ADAMTSL2: variants seen among roughly 807,000 people sequenced by gnomAD.
ADAMTSL2 encodes ADAMTS-like protein 2.
A neutral mutation model predicts 117.0 loss-of-function variants in ADAMTSL2; 55 were observed. The observed-to-expected ratio is 0.47, with a 90% CI of 0.38 to 0.59. ADAMTSL2 has a LOEUF of 0.59. Among genes scored for constraint, ADAMTSL2 ranks in the 20% least tolerant of loss-of-function variants. The pLI, the probability that ADAMTSL2 is intolerant of heterozygous loss-of-function variation, is 0.00. For missense variants in ADAMTSL2, 1,182 were observed against 1,354.5 expected (o/e 0.87, Z 2.00); for synonymous variants, 572 against 566.4 (o/e 1.01, Z -0.14).
At chr9:133,556,707 G>C (rs1382562631) in intron 11 of ADAMTSL2, among the ~76,000 whole-genome samples, 1 of 152,164 alleles carries the variant, frequency 6.6e-6, no homozygotes, top group Admixed American at 6.5e-5. Flanking sequence ...TCACAGCCAG[G>C]GTTGTCTGGA....
At chr9:133,534,418 TC>T, upstream of ADAMTSL2, 1 of 265,840 alleles carries the variant, frequency 3.8e-6, no homozygotes. Context: ...ACCGCCAGCC[TC>T]CCCGGTAACC....
At chr9:133,543,251 A>G (rs9802679) in intron 7 of ADAMTSL2, among the ~76,000 whole-genome samples, 54,962 of 152,156 alleles carry the variant, frequency 0.36, 10,361 homozygotes, top group East Asian at 0.49. Flanking sequence ...CAAAAACACC[A>G]TATACGGGTG....
chr9:133,534,460 C>A (rs1829999459), upstream of ADAMTSL2: 2 of 348,506 alleles, frequency 5.7e-6, no homozygotes, highest in East Asian at 4.5e-5. Flanking sequence ...TCTGGACACC[C>A]GACATGTGGC....
intron 1 of ADAMTSL2, among the ~76,000 whole-genome samples, 174 bp downstream of exon 1, chr9:133,535,091 C>T (rs1289461219): frequency 1.3e-5 from 2 of 152,174 alleles, no homozygotes; most frequent in African/African-American, 4.8e-5. Context: ...GGCCTCCCAG[C>T]ACCTAGCCTT....
Position 133,574,061 on chromosome 9 carries a change from G to GT in ADAMTSL2, c.2737+75dup, listed in dbSNP as rs1831172471. The GT allele has an allele frequency of 2.0e-6, 3 of 1,536,804 alleles. No individual in the cohort carries two copies. The African/African-American group carries it at 4.1e-5, about 21-fold the overall frequency. ...CGAGGACAGAGTCAGGGCCTGAGGG[G>GT]TGAGCAGACATTGCTCACCTTGATG... On this transcript the variant is annotated intron_variant, in intron 18 of 18. Transcript: ENST00000651351.
chr9:133,553,384 T>A (rs1830530917), intron 9 of ADAMTSL2, among the ~76,000 whole-genome samples: 1 of 152,078 alleles, frequency 6.6e-6, no homozygotes, highest in East Asian at 1.9e-4. Context: ...CACGAGGGTG[T>A]CTTTCTCTGC....
chr9:133,541,950 C>G (rs561764736), intron 7 of ADAMTSL2, among the ~76,000 whole-genome samples: 1 of 152,358 alleles, frequency 6.6e-6, no homozygotes, highest in African/African-American at 2.4e-5. Flanking sequence ...GTTATTGCAA[C>G]CTCCAGACCT....
intron 4 of ADAMTSL2, 95 bp from the exon 5 acceptor site, chr9:133,539,676 T>TGTCCCGGCTGACCCGGCA: frequency 7.8e-7 from 1 of 1,288,346 alleles, no homozygotes; most frequent in Non-Finnish European, 1.1e-6. Flanking sequence ...CTGTCCCGGC[T>TGTCCCGGCTGACCCGGCA]GTCCCGGCTG....
intron 4 of ADAMTSL2, among the ~76,000 whole-genome samples, chr9:133,539,443 G>A (rs1830140863): frequency 6.6e-6 from 1 of 152,226 alleles, no homozygotes; most frequent in Non-Finnish European, 1.5e-5. Flanking sequence ...ACGGGCGAGG[G>A]GAGCACCCTT....
rs1365063881 is a variant in ADAMTSL2, at chr9:133,544,497, C to G, written c.710C>G (p.Ala237Gly). The G allele has an allele frequency of 6.2e-7, 1 of 1,614,052 alleles. No homozygotes were observed. The highest frequency in any genetic ancestry group is 8.5e-7 in the Non-Finnish European group (1 of 1,180,002). Reference sequence around the variant, plus strand: ...TACTCTCTGGTGACCCACATCCCGGCTGGTGCCCGAGACATCCAGATTGTA... The same window carrying G: ...TACTCTCTGGTGACCCACATCCCGGGTGGTGCCCGAGACATCCAGATTGTA... Reference protein sequence around the residue: ...LGYSLVTHIPAGARDIQIVER... With the variant: ...LGYSLVTHIPGGARDIQIVER... The change falls in exon 8 of 19, where the codon GCT (alanine) becomes GGT (glycine). Residue 237 changes from alanine to glycine, a missense_variant. Ala to Gly is a moderately conservative substitution (Grantham distance 60, BLOSUM62 0). Coordinates refer to ENST00000651351, the MANE Select transcript of ADAMTSL2 (RefSeq NM_014694.4).
Position 133,534,973 on chromosome 9 carries a change from C to T in ADAMTSL2, c.-151+56C>T. On this transcript the variant is annotated intron_variant, in intron 1 of 18. Coordinates refer to ENST00000651351, the MANE Select transcript of ADAMTSL2 (RefSeq NM_014694.4). ...TTGCAGCGTCCACCAGGCCAGCCCA[C>T]TGCTCAGAGTGGGGCTGGGGGTAGG... is the stretch of plus-strand genomic sequence containing the variant. 5.9e-6 allele frequency: 8 copies of T among 1,349,686 alleles called. No homozygotes were observed. In the South Asian group the frequency reaches 1.4e-4, roughly 24 times the overall value. 83.6% of individuals were successfully genotyped at this position (1,349,686 alleles called of 1,614,324 possible).
chr9:133,573,906 A>T lies in ADAMTSL2; in HGVS notation c.2656A>T (p.Ile886Phe), dbSNP rs1392456493. ...CGTCAAGTGCTACCAGGGGACCGAC[A>T]TCGTCCGTGGTTGCGATCCGTTGGT... ...RDVKCYQGTD[I>F]VRGCDPLVKP... Residue 886 changes from isoleucine (I) to phenylalanine (F), a missense_variant, in exon 18 of 19, where the codon ATC becomes TTC. Transcript: ENST00000651351. 4.3e-6 allele frequency: 7 copies of T among 1,614,098 alleles called. No individual in the cohort carries two copies. The East Asian group carries it at 1.6e-4, about 36-fold the overall frequency.
chr9:133,546,034 C>T (rs1830339444), intron 8 of ADAMTSL2, among the ~76,000 whole-genome samples: 1 of 152,144 alleles, frequency 6.6e-6, no homozygotes, highest in South Asian at 2.1e-4. Flanking sequence ...AGCCGAACTC[C>T]TCTTCTCCCA....
chr9:133,555,044 C>G (rs1830573912), intron 10 of ADAMTSL2, among the ~76,000 whole-genome samples: 1 of 152,018 alleles, frequency 6.6e-6, no homozygotes, highest in African/African-American at 2.4e-5. Context: ...TCAACGAGCA[C>G]CTGGTCTCAC....
chr9:133,572,435 G>C (rs1831129626), intron 17 of ADAMTSL2, among the ~76,000 whole-genome samples: 1 of 152,194 alleles, frequency 6.6e-6, no homozygotes, highest in African/African-American at 2.4e-5. Context: ...CTTCTGGAAA[G>C]GCTAAGCCCG....
Position 133,555,856 on chromosome 9 carries a change from C to T in ADAMTSL2, c.1575C>T (p.Ser525=). ...LELSSDRVAN[S]SSEAPFPNVS... ...TGAGCAGCGACAGGGTTGCCAACAGCTCCTCCGAGGCCCCATTCCCCAACG... is the reference window on the plus strand; with the variant it reads ...TGAGCAGCGACAGGGTTGCCAACAGTTCCTCCGAGGCCCCATTCCCCAACG... The change falls in exon 11 of 19, where the codon AGC becomes AGT. Residue 525 remains serine (S), a synonymous_variant. Coordinates refer to ENST00000651351, the MANE Select transcript of ADAMTSL2 (RefSeq NM_014694.4). 1 of 1,613,326 alleles carries T rather than the reference C, an allele frequency of 6.2e-7. No individual in the cohort carries two copies. Among genetic ancestry groups the T allele is most frequent in the Non-Finnish European group, 8.5e-7 (1 of 1,179,908 alleles).
In ADAMTSL2 at chr9:133,557,667, T is replaced by G. The variant is rs1317815418; in HGVS notation, c.1649+1737T>G. Among the ~76,000 whole-genome samples, 2 of 152,140 alleles carry G rather than the reference T, an allele frequency of 1.3e-5. No homozygotes were observed. Among genetic ancestry groups the G allele is most frequent in the African/African-American group, 4.8e-5 (2 of 41,428 alleles). ...GGGCCCTCTTCACCTCCCAGGGCAG[T>G]CCGGGGCATTCCCTGGTATTCCGTG... On this transcript the variant is annotated intron_variant, in intron 11 of 18. Transcript: ENST00000651351. The surrounding 1 kb of genome is among the most constrained non-coding windows in gnomAD (Gnocchi z 5.2).
chr9:133,572,360 A>C (rs1831128128), intron 17 of ADAMTSL2, among the ~76,000 whole-genome samples: 2 of 152,276 alleles, frequency 1.3e-5, no homozygotes, highest in Admixed American at 6.5e-5. Flanking sequence ...CAGGGCCTGA[A>C]GGGTGAGCCG....
intron 5 of ADAMTSL2, 140 bp from the exon 6 acceptor site, chr9:133,540,458 G>T (rs1264607728): frequency 8.4e-7 from 1 of 1,196,358 alleles, no homozygotes; most frequent in African/African-American, 1.5e-5. Context: ...CTGAGACCTG[G>T]ACAGGTTCCT....
Sources: allele counts gnomAD v4.1 joint callset (sites outside exome capture counted in the v4.1 genomes callset), GRCh38; gene constraint gnomAD v4.1.1; non-coding constraint Gnocchi (gnomAD v3.1); transcripts MANE v1.5; gene names NCBI Gene and HGNC (gene_info 2026-07-23, HGNC 2026-07-21).